Variants in MARCHF1 observed in about 807,000 individuals in gnomAD.
MARCHF1 encodes E3 ubiquitin-protein ligase MARCHF1.
In MARCHF1, 40 loss-of-function variants were observed where a neutral mutation model predicts 54.2. The observed-to-expected ratio is 0.74, with a 90% CI of 0.57 to 0.96. The LOEUF (loss-of-function observed/expected upper bound fraction) is 0.96, where lower values mean the gene tolerates loss of function less well. Ranked by LOEUF, MARCHF1 falls within the 40% of genes least tolerant of loss-of-function variation. The probability of loss-of-function intolerance (pLI) is 0.00; values close to 1 mark genes in which losing one functional copy is unlikely to be tolerated. For synonymous variants in MARCHF1, 236 were observed against 236.3 expected (o/e 1.00, Z 0.01); for missense variants, 586 against 656.5 (o/e 0.89, Z 1.17).
At chr4:164,068,836 G>T (rs149807861) in intron 2 of MARCHF1, among the ~76,000 whole-genome samples, 1,877 of 152,310 alleles carry the variant, frequency 0.012, 37 homozygotes, top group African/African-American at 0.043. Context: ...GTGGGGACTT[G>T]GAGAATCTTT....
chr4:164,031,423 AT>A (rs200100493), intron 2 of MARCHF1, among the ~76,000 whole-genome samples: 11 of 101,342 alleles, frequency 1.1e-4, no homozygotes, highest in South Asian at 4.4e-4. Flanking sequence ...CTATTATATT[AT>A]TTTTTTTTCA....
Position 164,004,048 on chromosome 4 carries a change from T to A in MARCHF1, c.-247-15339A>T, listed in dbSNP as rs114048384. Among the ~76,000 whole-genome samples, 1,484 of 151,964 alleles carry A rather than the reference T, an allele frequency of 9.8e-3. 19 individuals carry two copies. The highest frequency in any genetic ancestry group is 0.033 in the African/African-American group (1,362 of 41,474). Reference sequence around the variant, plus strand: ...ACTAACACAGGAACAGAAAACCAAGTATTGCCTGTGTTCACTCATAATTGA... The same window carrying A: ...ACTAACACAGGAACAGAAAACCAAGAATTGCCTGTGTTCACTCATAATTGA... On this transcript the variant is annotated intron_variant, in intron 2 of 9. Transcript: ENST00000514618.
chr4:163,892,925 T>G (rs557749934), intron 3 of MARCHF1, among the ~76,000 whole-genome samples: 1 of 152,284 alleles, frequency 6.6e-6, no homozygotes, highest in African/African-American at 2.4e-5. Context: ...TGAACATATA[T>G]TTCCACAAGG....
intron 5 of MARCHF1, among the ~76,000 whole-genome samples, chr4:163,628,078 A>T (rs1486387289): frequency 6.6e-6 from 1 of 152,212 alleles, no homozygotes; most frequent in African/African-American, 2.4e-5. Context: ...ACTGTTGATA[A>T]ATTAGACAAT....
rs577734912 is a variant in MARCHF1, at chr4:164,142,934, G to C, written c.-322-31272C>G. Among the ~76,000 whole-genome samples the C allele has an allele frequency of 1.8e-3, 267 of 152,164 alleles. 1 individual carries two copies. The highest frequency in any genetic ancestry group is 0.017 in the Middle Eastern group (5 of 294). ...AATTGAAAACTTTGAAAAAAATTTA[G>C]AAGAATGTATAACTAGAATAACCAA... On this transcript the variant is annotated intron_variant, in intron 1 of 9. Transcript: ENST00000514618.
In MARCHF1 at chr4:164,047,415, G is replaced by A. The variant is rs1754265603; in HGVS notation, c.-247-58706C>T. On this transcript the variant is annotated intron_variant, in intron 2 of 9. Coordinates refer to ENST00000514618, the MANE Select transcript of MARCHF1 (RefSeq NM_001394959.1). ...TTTAATCTCAGGAAACTTAGGAGCA[G>A]AGAAACCAGCCAAATCCACATGGAC... Among the ~76,000 whole-genome samples the A allele has an allele frequency of 2.0e-5, 3 of 152,194 alleles. No individual in the cohort carries two copies. In the South Asian group the frequency reaches 6.2e-4, roughly 32 times the overall value.
chr4:163,750,355 C>CA (rs1247859877), intron 4 of MARCHF1, among the ~76,000 whole-genome samples: 1 of 151,230 alleles, frequency 6.6e-6, no homozygotes, highest in Non-Finnish European at 1.5e-5. Context: ...AATAAAAATA[C>CA]AAAAAATTAG....
chr4:164,290,807 T>C (rs978794657), intron 1 of MARCHF1, among the ~76,000 whole-genome samples: 7 of 152,026 alleles, frequency 4.6e-5, no homozygotes, highest in East Asian at 3.9e-4. Flanking sequence ...AAATAGCCTG[T>C]GAAGGAAAGA....
intron 3 of MARCHF1, among the ~76,000 whole-genome samples, chr4:163,935,394 CTTAA>C (rs1751771399): frequency 6.6e-6 from 1 of 152,056 alleles, no homozygotes; most frequent in Non-Finnish European, 1.5e-5. Context: ...AGGTAGACAC[CTTAA>C]TTAATTATCT....
rs571661255 is a variant in MARCHF1 at position 164,355,708 on chromosome 4, A to T, written c.-323+28162T>A. ...ACCATTCAGGACATAGGCATGGGCA[A>T]GGACTTCATGTCCAAAACACCAAAA... On this transcript the variant is annotated intron_variant, in intron 1 of 9. Coordinates refer to ENST00000514618, the MANE Select transcript of MARCHF1 (RefSeq NM_001394959.1). Among the ~76,000 whole-genome samples the T allele has an allele frequency of 3.0e-5, 3 of 101,468 alleles. No individual in the cohort carries two copies. The East Asian group carries it at 9.5e-4, about 32-fold the overall frequency. 66.6% of individuals were successfully genotyped at this position (101,468 alleles called of 152,430 possible).
At chr4:164,274,769 C>T (rs1326651493) in intron 1 of MARCHF1, among the ~76,000 whole-genome samples, 2 of 146,276 alleles carry the variant, frequency 1.4e-5, no homozygotes, top group African/African-American at 5.0e-5. Flanking sequence ...CTCCGTCTCC[C>T]GAGTTCACAC....
chr4:163,601,258 C>G (rs1355504), intron 7 of MARCHF1, among the ~76,000 whole-genome samples: 60,289 of 151,736 alleles, frequency 0.4, 12,013 homozygotes, highest in Middle Eastern at 0.46. Context: ...TATTTGGTAG[C>G]AACAAACACT....
In MARCHF1 at chr4:163,742,308, TTC is replaced by T. The variant is rs1746219923; in HGVS notation, c.112-41447_112-41446del. ...GGCTAGTACTAAAAGGGATTAACTC[TTC>T]TTTCCCTTTCTCTCCCTCCCTTTCC... On this transcript the variant is annotated intron_variant, in intron 4 of 9. Transcript: ENST00000514618. 3.3e-5 allele frequency among the ~76,000 whole-genome samples: 5 copies of T among 151,816 alleles called. No homozygotes were observed. In the South Asian group the frequency reaches 1.0e-3, roughly 32 times the overall value.
At chr4:163,819,605 ACCTCTCCAAATC>A (rs1045645749) in intron 4 of MARCHF1, among the ~76,000 whole-genome samples, 3 of 151,890 alleles carry the variant, frequency 2.0e-5, no homozygotes, top group African/African-American at 4.8e-5. Context: ...ACACCCTCCT[ACCTCTCCAAATC>A]CCTCTCCGAA....
At chr4:163,970,063 G>A (rs567023862) in intron 3 of MARCHF1, among the ~76,000 whole-genome samples, 9 of 152,246 alleles carry the variant, frequency 5.9e-5, no homozygotes, top group East Asian at 3.9e-4. Context: ...CAGAGGGCCC[G>A]AGAGAGATAC....
chr4:163,754,450 A>C (rs1304639583), intron 4 of MARCHF1, among the ~76,000 whole-genome samples: 1 of 152,220 alleles, frequency 6.6e-6, no homozygotes, highest in African/African-American at 2.4e-5. Flanking sequence ...TGAAATTTGC[A>C]AGAATAGACA....
At chr4:163,826,854 G>A (rs931984999) in intron 4 of MARCHF1, among the ~76,000 whole-genome samples, 16 of 151,972 alleles carry the variant, frequency 1.1e-4, no homozygotes, top group Admixed American at 1.1e-3. Flanking sequence ...ATCCCCAGCA[G>A]AGATAAAAAT....
At chr4:164,261,798 A>T (rs1288666438) in intron 1 of MARCHF1, among the ~76,000 whole-genome samples, 6 of 152,152 alleles carry the variant, frequency 3.9e-5, no homozygotes, top group Non-Finnish European at 8.8e-5. Context: ...AACCTAATAT[A>T]TTCTCAGTTG....
chr4:164,189,440 A>G, intron 1 of MARCHF1: 1 of 697,598 alleles, frequency 1.4e-6, no homozygotes, highest in Non-Finnish European at 2.6e-6. Context: ...AAGAATTCTG[A>G]TATTGATGAT....
Sources: gnomAD v4.1 joint callset for allele counts (sites outside exome capture counted in the v4.1 genomes callset) on GRCh38, gnomAD v4.1.1 for gene constraint, MANE v1.5 for transcripts, NCBI Gene and HGNC (gene_info 2026-07-23, HGNC 2026-07-21) for gene names.